USP25: variants seen among roughly 807,000 people sequenced by gnomAD.
The protein encoded by USP25 is ubiquitin carboxyl-terminal hydrolase 25.
In USP25, 85 loss-of-function variants were observed where a neutral mutation model predicts 158.5. The observed-to-expected ratio is 0.54, with a 90% CI of 0.45 to 0.64. USP25 has a LOEUF of 0.64. USP25 is among the 30% of genes least tolerant of loss of function. USP25 has a pLI of 0.00. For synonymous variants in USP25, 464 were observed against 460.4 expected (o/e 1.01, Z -0.10); for missense variants, 1,242 against 1,327.3 (o/e 0.94, Z 1.00).
chr21:15,827,759 C>CGT (rs562407759), intron 14 of USP25, among the ~76,000 whole-genome samples: 2 of 102,626 alleles, frequency 1.9e-5, no homozygotes, highest in South Asian at 3.5e-4. Flanking sequence ...CACTTGTGTG[C>CGT]GTGTGCGTGT....
intron 14 of USP25, among the ~76,000 whole-genome samples, chr21:15,829,665 G>A (rs534232713): frequency 2.6e-5 from 4 of 152,080 alleles, no homozygotes; most frequent in Non-Finnish European, 5.9e-5. Flanking sequence ...TTACTTAATA[G>A]AAAGTTTAAT....
At chr21:15,767,136 C>A (rs761303916) in intron 3 of USP25, among the ~76,000 whole-genome samples, 7 of 152,048 alleles carry the variant, frequency 4.6e-5, no homozygotes, top group Non-Finnish European at 1.0e-4. Flanking sequence ...TCAAGGCAAG[C>A]TGTGACTGGG....
At chr21:15,840,697 T>G (rs2038290910) in intron 17 of USP25, among the ~76,000 whole-genome samples, 1 of 152,172 alleles carries the variant, frequency 6.6e-6, no homozygotes, top group Non-Finnish European at 1.5e-5. Context: ...TAAGGTGGAT[T>G]TGACATGTGT....
intron 23 of USP25, among the ~76,000 whole-genome samples, chr21:15,870,560 G>A (rs2039843131): frequency 6.6e-6 from 1 of 152,080 alleles, no homozygotes; most frequent in Non-Finnish European, 1.5e-5. Context: ...TTTAAATTAA[G>A]GATGGTCTTA....
rs1016574559 is a variant in USP25 at position 15,755,219 on chromosome 21, G to A, written c.46-7672G>A. Among the ~76,000 whole-genome samples, 11 of 151,060 alleles carry A rather than the reference G, an allele frequency of 7.3e-5. No homozygotes were observed. In the South Asian group the frequency reaches 8.4e-4, roughly 12 times the overall value. ...TTTTAGAGGTCATTCTAAGAGTTGC[G>A]CCCCCCGCCTTACACCTATCCCCAA... On this transcript the variant is annotated intron_variant, in intron 1 of 25. Coordinates refer to ENST00000400183, the MANE Select transcript of USP25 (RefSeq NM_001283041.3).
intron 5 of USP25, among the ~76,000 whole-genome samples, chr21:15,794,800 G>A (rs1034490687): frequency 7.3e-5 from 11 of 151,318 alleles, no homozygotes; most frequent in Non-Finnish European, 1.5e-4. Context: ...CACATTTAGG[G>A]TACTCTATAT....
chr21:15,798,019 G>A (rs2035946748), intron 5 of USP25, among the ~76,000 whole-genome samples: 1 of 151,236 alleles, frequency 6.6e-6, no homozygotes, highest in African/African-American at 2.4e-5. Context: ...AATATCTGTG[G>A]TTTCCGGTAT....
rs748560547 is a variant in USP25, at chr21:15,791,778, T to C, written c.555+114T>C. Reference sequence around the variant, plus strand: ...GATAAGTACAGATAAGTTTTTAATATACTATTTTGTCTAATAAACTAGCTT... The same window carrying C: ...GATAAGTACAGATAAGTTTTTAATACACTATTTTGTCTAATAAACTAGCTT... On this transcript the variant is annotated intron_variant, in intron 5 of 25. Coordinates refer to ENST00000400183, the MANE Select transcript of USP25 (RefSeq NM_001283041.3). The C allele has an allele frequency of 5.9e-5, 65 of 1,109,358 alleles. No individual in the cohort carries two copies. In the Middle Eastern group the frequency reaches 9.6e-4, roughly 16 times the overall value. 68.7% of individuals were successfully genotyped at this position (1,109,358 alleles called of 1,614,324 possible). A position where few individuals can be genotyped will look rare whatever the true frequency, so the allele number is the denominator to read the frequency against.
At chr21:15,801,357 C>T (rs1358218871) in intron 6 of USP25, among the ~76,000 whole-genome samples, 1 of 151,494 alleles carries the variant, frequency 6.6e-6, no homozygotes, top group Non-Finnish European at 1.5e-5. Context: ...GTCTTCAGCA[C>T]CTTTCTAGAG....
intron 20 of USP25, among the ~76,000 whole-genome samples, chr21:15,852,553 C>T (rs1011382398): frequency 6.6e-6 from 1 of 152,012 alleles, no homozygotes; most frequent in Non-Finnish European, 1.5e-5. Flanking sequence ...AGTATTATCA[C>T]GAAGCTTATC....
intron 4 of USP25, among the ~76,000 whole-genome samples, chr21:15,782,587 C>CA (rs1398361980): frequency 1.3e-5 from 2 of 152,184 alleles, no homozygotes; most frequent in African/African-American, 4.8e-5. Context: ...CATGCCACCA[C>CA]AGTCATGGGC....
At chr21:15,832,571 GACAA>G (rs761611500) in intron 16 of USP25, among the ~76,000 whole-genome samples, 3 of 152,030 alleles carry the variant, frequency 2.0e-5, no homozygotes, top group Non-Finnish European at 4.4e-5. Context: ...TTCTTCATAT[GACAA>G]ACAATTTTCA....
chr21:15,736,287 A>T (rs1480823045), intron 1 of USP25, among the ~76,000 whole-genome samples: 1 of 151,878 alleles, frequency 6.6e-6, no homozygotes, highest in Non-Finnish European at 1.5e-5. Context: ...TACTAGAGAG[A>T]GGGTTTCATC....
At chr21:15,730,999 T>TTTTTTTTTC (rs1170527971) in intron 1 of USP25, among the ~76,000 whole-genome samples, 1 of 143,818 alleles carries the variant, frequency 7.0e-6, no homozygotes, top group African/African-American at 2.7e-5. Context: ...TTTTTTTTTT[T>TTTTTTTTTC]TTCAATATAG....
intron 20 of USP25, among the ~76,000 whole-genome samples, chr21:15,852,051 G>C (rs1394498189): frequency 6.6e-6 from 1 of 152,068 alleles, no homozygotes; most frequent in Non-Finnish European, 1.5e-5. Context: ...GCAACTCTCA[G>C]CACATAATCT....
chr21:15,739,628 A>G (rs1441578997), intron 1 of USP25, among the ~76,000 whole-genome samples: 1 of 152,116 alleles, frequency 6.6e-6, no homozygotes, highest in Non-Finnish European at 1.5e-5. Context: ...TAAGGTGTCT[A>G]CAGGGTCTTT....
chr21:15,742,577 C>T (rs2123231718), intron 1 of USP25, among the ~76,000 whole-genome samples: 1 of 152,264 alleles, frequency 6.6e-6, no homozygotes, highest in Admixed American at 6.5e-5. Flanking sequence ...ATCAAGAATG[C>T]CCTGAAGTTT....
intron 4 of USP25, among the ~76,000 whole-genome samples, chr21:15,789,342 G>A (rs2035465809): frequency 1.3e-5 from 2 of 152,150 alleles, no homozygotes; most frequent in South Asian, 4.1e-4. Flanking sequence ...TGTACTTAGG[G>A]TGTATTGTGC....
At chr21:15,772,546 G>C (rs73357280) in intron 3 of USP25, among the ~76,000 whole-genome samples, 1 of 152,112 alleles carries the variant, frequency 6.6e-6, no homozygotes, top group African/African-American at 2.4e-5. Context: ...ATAATGCTCT[G>C]GCATTGAGAT....
Sources: gnomAD v4.1 joint callset for allele counts (sites outside exome capture counted in the v4.1 genomes callset) on GRCh38, gnomAD v4.1.1 for gene constraint, MANE v1.5 for transcripts, NCBI Gene and HGNC (gene_info 2026-07-23, HGNC 2026-07-21) for gene names.